Variants in LPO observed in about 807,000 individuals in gnomAD.
LPO encodes salivary peroxidase.
Under a neutral mutation model 68.4 loss-of-function variants are expected in LPO, and 70 were observed. The observed-to-expected ratio is 1.02, with a 90% confidence interval of 0.84 to 1.25. The LOEUF (loss-of-function observed/expected upper bound fraction) is 1.25, where lower values mean the gene tolerates loss of function less well. LPO is among the 50% of genes most tolerant of loss of function. LPO has a pLI of 0.00. For synonymous variants in LPO, 360 were observed against 357.6 expected (o/e 1.01, Z -0.08); for missense variants, 873 against 908.4 (o/e 0.96, Z 0.50).
At chr17:58,267,748 C>A in intron 12 of LPO, 39 bp from the exon 13 acceptor site, 4 of 1,580,264 alleles carry the variant, frequency 2.5e-6, no homozygotes, top group South Asian at 1.1e-5. Flanking sequence ...GAGGGGCCAG[C>A]GGCCAGACTG....
At chr17:58,260,330 G>A (rs1970153903) in intron 9 of LPO, among the ~76,000 whole-genome samples, 1 of 152,112 alleles carries the variant, frequency 6.6e-6, no homozygotes, top group South Asian at 2.1e-4. Flanking sequence ...AGACAGTTGT[G>A]TTTCTTCTTT....
chr17:58,252,052 T>C (rs1598024923), intron 7 of LPO, 130 bp from the exon 8 acceptor site: 1 of 802,872 alleles, frequency 1.2e-6, no homozygotes, highest in East Asian at 2.5e-5. Flanking sequence ...GTGTCTGGGG[T>C]CAGTGTCTGG....
chr17:58,266,340 G>A lies in LPO; in HGVS notation c.1693+14G>A. On this transcript the variant is annotated intron_variant, in intron 11 of 12. Coordinates refer to ENST00000262290, the MANE Select transcript of LPO (RefSeq NM_006151.3). ...ATGGGCAACCTGGTGAGTGTCTGAAGTCTGGCCTGCACTGGGGAAATTTTA... is the reference window on the plus strand; with the variant it reads ...ATGGGCAACCTGGTGAGTGTCTGAAATCTGGCCTGCACTGGGGAAATTTTA... 6.2e-7 allele frequency: 1 copy of A among 1,613,502 alleles called. No homozygotes were observed. Among genetic ancestry groups the A allele is most frequent in the East Asian group, 2.2e-5 (1 of 44,882 alleles).
intron 9 of LPO, among the ~76,000 whole-genome samples, chr17:58,258,023 T>C (rs1970102804): frequency 1.3e-5 from 2 of 152,218 alleles, no homozygotes; most frequent in African/African-American, 4.8e-5. Flanking sequence ...GCTTCATATA[T>C]ATTCTGGTTG....
chr17:58,267,665 G>A (rs1970298024), intron 12 of LPO, 79 bp downstream of exon 12: 1 of 1,468,376 alleles, frequency 6.8e-7, no homozygotes. Flanking sequence ...CGTGAGCGCT[G>A]ACTCCGGATC....
In LPO at chr17:58,268,383, C is replaced by G; in HGVS notation, c.*389C>G. 3.6e-6 allele frequency: 1 copy of G among 280,454 alleles called. No homozygotes were observed. Among genetic ancestry groups the G allele is most frequent in the Non-Finnish European group, 6.9e-6 (1 of 144,142 alleles). 17.4% of individuals were successfully genotyped at this position (280,454 alleles called of 1,614,324 possible). A position where few individuals can be genotyped will look rare whatever the true frequency, so the allele number is the denominator to read the frequency against. ...TGCCTCCGAGGGTCCCCTGTGGCAC[C>G]TAGCATGGTGCACAGCACATTAGAA... On this transcript the variant is annotated 3_prime_UTR_variant, in exon 13 of 13. Coordinates refer to ENST00000262290, the MANE Select transcript of LPO (RefSeq NM_006151.3).
intron 9 of LPO, among the ~76,000 whole-genome samples, chr17:58,261,246 TG>T (rs1442612728): frequency 2.0e-5 from 3 of 152,248 alleles, no homozygotes; most frequent in Non-Finnish European, 4.4e-5. Flanking sequence ...AATGAGAATT[TG>T]CCTATTTCTT....
At chr17:58,262,295 T>C (rs8178387) in intron 9 of LPO, among the ~76,000 whole-genome samples, 6,755 of 152,286 alleles carry the variant, frequency 0.044, 504 homozygotes, top group African/African-American at 0.15. Context: ...TCAGGGTTGG[T>C]AGTTCTTGTC....
Position 58,266,148 on chromosome 17 carries a change from G to A in LPO, c.1520-5G>A. On this transcript the variant is annotated splice_polypyrimidine_tract_variant and splice_region_variant and intron_variant, in intron 10 of 12. Coordinates refer to ENST00000262290, the MANE Select transcript of LPO (RefSeq NM_006151.3). The stretch of plus-strand genomic sequence containing the variant: ...TAAGCATGGCTTCTGGGTCTCCCTT[G>A]GCAGGTGGAATTGATCCTCTGGTGC... The A allele has an allele frequency of 6.2e-7, 1 of 1,613,618 alleles. No individual in the cohort carries two copies. Among genetic ancestry groups the A allele is most frequent in the Non-Finnish European group, 8.5e-7 (1 of 1,179,728 alleles).
intron 7 of LPO, 70 bp from the exon 8 acceptor site, chr17:58,252,112 C>A: frequency 6.9e-7 from 1 of 1,448,286 alleles, no homozygotes; most frequent in Non-Finnish European, 9.6e-7. Flanking sequence ...CCAGACTTGC[C>A]CTGGGGAGAG....
chr17:58,238,645 T>C lies in LPO; in HGVS notation c.-97T>C, dbSNP rs1370888701. ...ATCAAAATCTTTCCTTCTGGGCCTT[T>C]CCCAGAAGTGAATTCTTGCTGGAAG... On this transcript the variant is annotated 5_prime_UTR_variant, in exon 1 of 13. Coordinates refer to ENST00000262290, the MANE Select transcript of LPO (RefSeq NM_006151.3). 1 of 152,152 alleles carries C rather than the reference T, an allele frequency of 6.6e-6. No individual in the cohort carries two copies. The highest frequency in any genetic ancestry group is 1.5e-5 in the Non-Finnish European group (1 of 68,022). 9.4% of individuals were successfully genotyped at this position (152,152 alleles called of 1,614,324 possible).
intron 9 of LPO, among the ~76,000 whole-genome samples, chr17:58,261,694 GT>G (rs1970178349): frequency 6.6e-6 from 1 of 151,966 alleles, no homozygotes; most frequent in Non-Finnish European, 1.5e-5. Context: ...TGTTCCTTCT[GT>G]TTCTTCTTCC....
chr17:58,254,064 A>T (rs948379428), intron 8 of LPO, among the ~76,000 whole-genome samples: 4 of 152,074 alleles, frequency 2.6e-5, no homozygotes, highest in Admixed American at 2.6e-4. Flanking sequence ...GTTAGCCAAG[A>T]TAATGCCATT....
At chr17:58,249,502 G>A in intron 5 of LPO, 64 bp from the exon 6 acceptor site, 1 of 1,573,548 alleles carries the variant, frequency 6.4e-7, no homozygotes, top group Non-Finnish European at 8.6e-7. Flanking sequence ...CCCCCATGGG[G>A]TCCTGGGCTT....
At chr17:58,249,387 G>A (rs1192486106) in intron 5 of LPO, 179 bp from the exon 6 acceptor site, 1 of 1,051,106 alleles carries the variant, frequency 9.5e-7, no homozygotes, top group Non-Finnish European at 1.3e-6. Context: ...ACCTTTCCCC[G>A]GGGCGGGGGA....
intron 3 of LPO, among the ~76,000 whole-genome samples, chr17:58,247,128 C>T (rs1969864558): frequency 1.3e-5 from 2 of 152,156 alleles, no homozygotes; most frequent in Non-Finnish European, 2.9e-5. Flanking sequence ...CCCAGATCCA[C>T]CCCTGTGTCT....
At chr17:58,259,673 A>G (rs1970140181) in intron 9 of LPO, among the ~76,000 whole-genome samples, 1 of 152,238 alleles carries the variant, frequency 6.6e-6, no homozygotes, top group South Asian at 2.1e-4. Context: ...GAGAGTTGAC[A>G]TCTTTACAAT....
Position 58,240,493 on chromosome 17 carries a change from G to A in LPO, c.-3+1754G>A, listed in dbSNP as rs574529702. On this transcript the variant is annotated intron_variant, in intron 1 of 12. Coordinates refer to ENST00000262290, the MANE Select transcript of LPO (RefSeq NM_006151.3). ...TCTGGCTGAAGACAGTGTCCCTCTA[G>A]AATCTTTCTGCACACCCCCTTTTCA... Among the ~76,000 whole-genome samples the A allele has an allele frequency of 3.3e-5, 5 of 152,284 alleles. No individual in the cohort carries two copies. The South Asian group carries it at 1.0e-3, about 32-fold the overall frequency.
intron 1 of LPO, among the ~76,000 whole-genome samples, chr17:58,239,457 G>A (rs566666037): frequency 2.0e-5 from 3 of 151,970 alleles, no homozygotes; most frequent in African/African-American, 2.4e-5. Context: ...GATTATTTCC[G>A]CTCTAGAGGG....
Sources: allele counts gnomAD v4.1 joint callset (sites outside exome capture counted in the v4.1 genomes callset), GRCh38; gene constraint gnomAD v4.1.1; transcripts MANE v1.5; gene names NCBI Gene and HGNC (gene_info 2026-07-23, HGNC 2026-07-21).